PTPRK: variants seen among roughly 807,000 people sequenced by gnomAD.
PTPRK encodes protein tyrosine phosphatase receptor type K, also known as receptor-type tyrosine-protein phosphatase kappa.
PTPRK carries 75 observed loss-of-function variants against 178.0 expected under a neutral mutation model. That is an observed-to-expected ratio of 0.42 (90% CI 0.35 to 0.51). The LOEUF (loss-of-function observed/expected upper bound fraction) is 0.51, where lower values mean the gene tolerates loss of function less well. Among genes scored for constraint, PTPRK ranks in the 20% least tolerant of loss-of-function variants. PTPRK has a pLI of 0.02. For missense variants in PTPRK, 1,441 were observed against 1,797.8 expected (o/e 0.80, Z 3.59); for synonymous variants, 637 against 620.6 (o/e 1.03, Z -0.39).
chr6:128,300,226 G>A (rs1449550650), intron 3 of PTPRK, among the ~76,000 whole-genome samples: 1 of 151,928 alleles, frequency 6.6e-6, no homozygotes, highest in African/African-American at 2.4e-5. Context: ...GAAACAACAG[G>A]TGCTGGAGAG....
intron 7 of PTPRK, among the ~76,000 whole-genome samples, chr6:128,124,660 T>C (rs527713792): frequency 2.0e-5 from 3 of 152,268 alleles, no homozygotes; most frequent in African/African-American, 7.2e-5. Flanking sequence ...TATTTTTTTT[T>C]TCTGTCAACT....
intron 2 of PTPRK, among the ~76,000 whole-genome samples, chr6:128,396,870 C>T (rs1469509481): frequency 1.3e-5 from 2 of 151,962 alleles, no homozygotes; most frequent in East Asian, 1.9e-4. Context: ...TGGCAGTGCA[C>T]GCCTGTAGTC....
chr6:128,011,404 G>A (rs1489236388), intron 13 of PTPRK, among the ~76,000 whole-genome samples: 3 of 150,996 alleles, frequency 2.0e-5, no homozygotes, highest in Non-Finnish European at 4.5e-5. Context: ...GCTTAATGAG[G>A]TCAGTATTTT....
chr6:128,216,289 C>T (rs1399403562), intron 6 of PTPRK, among the ~76,000 whole-genome samples: 1 of 152,006 alleles, frequency 6.6e-6, no homozygotes, highest in Non-Finnish European at 1.5e-5. Context: ...GTAATCCCAG[C>T]ACTTTGGGAG....
intron 15 of PTPRK, chr6:127,999,846 T>C (rs532909115): frequency 2.0e-6 from 1 of 511,276 alleles, no homozygotes; most frequent in East Asian, 1.5e-4. Flanking sequence ...TTCCAATGAA[T>C]GAATTAAAAA....
chr6:128,225,995 C>T (rs1323968061), intron 5 of PTPRK, among the ~76,000 whole-genome samples: 1 of 152,014 alleles, frequency 6.6e-6, no homozygotes, highest in African/African-American at 2.4e-5. Flanking sequence ...GTCAGCTATT[C>T]AACAAGAAAA....
chr6:128,264,508 G>C (rs1183190436), intron 3 of PTPRK, among the ~76,000 whole-genome samples: 1 of 151,672 alleles, frequency 6.6e-6, no homozygotes, highest in Non-Finnish European at 1.5e-5. Flanking sequence ...TTAGAGACAG[G>C]GTCTTGCTAT....
Position 128,200,812 on chromosome 6 carries a change from GAGAAGAAGA to G in PTPRK, c.869-16096_869-16088del, listed in dbSNP as rs202144769. 1.3e-4 allele frequency among the ~76,000 whole-genome samples: 19 copies of G among 141,138 alleles called. 1 individual carries two copies. The highest frequency in any genetic ancestry group is 1.3e-3 in the Admixed American group (18 of 13,888). 92.6% of individuals were successfully genotyped at this position (141,138 alleles called of 152,430 possible). A position where few individuals can be genotyped will look rare whatever the true frequency, so the allele number is the denominator to read the frequency against. On this transcript the variant is annotated intron_variant, in intron 6 of 29. Coordinates refer to ENST00000368226, the MANE Select transcript of PTPRK (RefSeq NM_002844.4). The stretch of plus-strand genomic sequence containing the variant: ...AAAGAAAAAAAGACAGAAAGAGAGA[GAGAAGAAGA>G]AGAAGAAGAAGAAGGATGAGGAGGA...
chr6:128,091,500 C>G (rs1234066533), intron 7 of PTPRK, among the ~76,000 whole-genome samples: 1 of 152,098 alleles, frequency 6.6e-6, no homozygotes, highest in Non-Finnish European at 1.5e-5. Context: ...CCCAGATAAA[C>G]TGTGATTTTG....
intron 13 of PTPRK, among the ~76,000 whole-genome samples, chr6:128,047,453 A>G (rs1778250409): frequency 6.6e-6 from 1 of 152,182 alleles, no homozygotes; most frequent in Admixed American, 6.6e-5. Context: ...GAATGCCCAC[A>G]TGTATACCTT....
intron 7 of PTPRK, among the ~76,000 whole-genome samples, chr6:128,109,457 T>C (rs1310083532): frequency 6.6e-6 from 1 of 152,178 alleles, no homozygotes; most frequent in Non-Finnish European, 1.5e-5. Flanking sequence ...TAAAAAGGTA[T>C]CAATGTCTCA....
At chr6:128,296,852 AG>A (rs1295736781) in intron 3 of PTPRK, among the ~76,000 whole-genome samples, 25 of 152,316 alleles carry the variant, frequency 1.6e-4, no homozygotes, top group African/African-American at 6.0e-4. Flanking sequence ...TCATAATGAC[AG>A]GATCAAATTC....
intron 7 of PTPRK, among the ~76,000 whole-genome samples, chr6:128,106,352 G>A (rs1275174673): frequency 1.3e-5 from 2 of 151,786 alleles, no homozygotes; most frequent in East Asian, 1.9e-4. Context: ...TAAGTGTTTG[G>A]CTGTTTATCC....
chr6:128,198,385 C>A (rs1199159465), intron 6 of PTPRK, among the ~76,000 whole-genome samples: 1 of 152,094 alleles, frequency 6.6e-6, no homozygotes, highest in African/African-American at 2.4e-5. Flanking sequence ...CCATGGGAAA[C>A]TCTTCTCTTA....
intron 1 of PTPRK, among the ~76,000 whole-genome samples, chr6:128,422,805 G>A (rs1843652268): frequency 6.6e-6 from 1 of 150,598 alleles, no homozygotes. Flanking sequence ...CTGAGCTAAC[G>A]CTAAAATTTT....
At chr6:127,975,088 A>G (rs1774369690) in intron 27 of PTPRK, among the ~76,000 whole-genome samples, 1 of 152,216 alleles carries the variant, frequency 6.6e-6, no homozygotes. Flanking sequence ...GAGTGAGAAC[A>G]GAAAAAAAAT....
chr6:128,326,993 A>C (rs1829672570), intron 2 of PTPRK, among the ~76,000 whole-genome samples: 1 of 152,048 alleles, frequency 6.6e-6, no homozygotes, highest in African/African-American at 2.4e-5. Flanking sequence ...TAAATAACTA[A>C]ATATTTCAAA....
chr6:128,241,804 G>A (rs1383330476), intron 4 of PTPRK, among the ~76,000 whole-genome samples: 3 of 143,010 alleles, frequency 2.1e-5, no homozygotes, highest in Admixed American at 7.0e-5. Context: ...TTTTTGAGAC[G>A]GAGTCTTGCT....
chr6:128,226,198 A>G (rs1481782868), intron 5 of PTPRK, among the ~76,000 whole-genome samples: 1 of 152,200 alleles, frequency 6.6e-6, no homozygotes, highest in East Asian at 1.9e-4. Flanking sequence ...CTACCTTTTC[A>G]TCTAACATTG....
Sources: gnomAD v4.1 joint callset for allele counts (sites outside exome capture counted in the v4.1 genomes callset) on GRCh38, gnomAD v4.1.1 for gene constraint, MANE v1.5 for transcripts, NCBI Gene and HGNC (gene_info 2026-07-23, HGNC 2026-07-21) for gene names.